The following TBC1D22A variants were observed in gnomAD, a reference collection of about 807,000 sequenced individuals.
TBC1D22A encodes the protein putative GTPase activator.
A neutral mutation model predicts 60.2 loss-of-function variants in TBC1D22A; 38 were observed. The ratio of observed to expected loss-of-function variants is 0.63; its 90% CI spans 0.49 to 0.83. The LOEUF (loss-of-function observed/expected upper bound fraction) is 0.83. Among genes scored for constraint, TBC1D22A ranks in the 40% least tolerant of loss-of-function variants. The probability of loss-of-function intolerance (pLI) is 0.00; values close to 1 mark genes in which losing one functional copy is unlikely to be tolerated. For synonymous variants in TBC1D22A, 302 were observed against 281.7 expected, an observed-to-expected ratio of 1.07 and a Z score of -0.72; for missense variants, 628 against 701.0, an observed-to-expected ratio of 0.90 and a Z score of 1.18.
intron 8 of TBC1D22A, among the ~76,000 whole-genome samples, chr22:46,962,054 G>C (rs569866272): frequency 1.3e-5 from 2 of 152,326 alleles, no homozygotes; most frequent in South Asian, 4.1e-4. Flanking sequence ...CAAGTCAGCA[G>C]GGCTGACTGT....
chr22:46,820,578 T>G (rs2085784200), intron 4 of TBC1D22A, among the ~76,000 whole-genome samples: 1 of 152,274 alleles, frequency 6.6e-6, no homozygotes, highest in Non-Finnish European at 1.5e-5. Context: ...TCTAATTTGA[T>G]TGCACTGTGG....
At chr22:46,771,224 A>T (rs547192199) in intron 1 of TBC1D22A, among the ~76,000 whole-genome samples, 4 of 152,308 alleles carry the variant, frequency 2.6e-5, no homozygotes, top group African/African-American at 9.6e-5. Context: ...CAAGAGCAGG[A>T]GGAAGTACCC....
rs2063384745 is a variant in TBC1D22A, at chr22:47,056,088, C to G, written c.1329+18890C>G. Among the ~76,000 whole-genome samples the G allele has an allele frequency of 2.0e-5, 3 of 152,122 alleles. No homozygotes were observed. The South Asian group carries it at 6.2e-4, about 32-fold the overall frequency. ...TCCCGTGCACACATCAGCGACTGCC[C>G]TTGTCTTGGGTCTGTTTGAGCAGTC... On this transcript the variant is annotated intron_variant, in intron 11 of 12. Transcript: ENST00000337137.
intron 1 of TBC1D22A, among the ~76,000 whole-genome samples, chr22:46,786,723 C>G (rs1265169252): frequency 6.6e-6 from 1 of 152,134 alleles, no homozygotes; most frequent in Admixed American, 6.5e-5. Flanking sequence ...GGATCTTGCT[C>G]TGTTGCCCAC....
At chr22:47,046,186 A>ACTTGG (rs2063027485) in intron 11 of TBC1D22A, among the ~76,000 whole-genome samples, 2 of 152,206 alleles carry the variant, frequency 1.3e-5, no homozygotes, top group Non-Finnish European at 2.9e-5. Context: ...TCCAAGTCCA[A>ACTTGG]GTACCTTACA....
At chr22:46,844,151 T>C (rs930664709) in intron 4 of TBC1D22A, among the ~76,000 whole-genome samples, 1 of 149,568 alleles carries the variant, frequency 6.7e-6, no homozygotes, top group Non-Finnish European at 1.5e-5. Flanking sequence ...GGCACTCTGG[T>C]CCAAGCACAT....
At chr22:47,018,212 G>T (rs954838309) in intron 10 of TBC1D22A, among the ~76,000 whole-genome samples, 2 of 152,260 alleles carry the variant, frequency 1.3e-5, no homozygotes, top group African/African-American at 4.8e-5. Context: ...CCATGGAAGG[G>T]GCGCCCATGG....
At chr22:46,880,788 G>A (rs6009015) in intron 5 of TBC1D22A, among the ~76,000 whole-genome samples, 16,449 of 152,188 alleles carry the variant, frequency 0.11, 2,310 homozygotes, top group African/African-American at 0.33. Flanking sequence ...AAGGAGGGGA[G>A]GGTGTGGAGA....
chr22:47,068,254 C>G (rs1164656803), intron 11 of TBC1D22A, among the ~76,000 whole-genome samples: 1 of 152,242 alleles, frequency 6.6e-6, no homozygotes, highest in Non-Finnish European at 1.5e-5. Context: ...GCCGTTGCCC[C>G]CAGGGCTCTT....
intron 4 of TBC1D22A, among the ~76,000 whole-genome samples, chr22:46,826,884 A>G (rs139595): frequency 0.32 from 48,158 of 151,936 alleles, 7,847 homozygotes; most frequent in South Asian, 0.44. Flanking sequence ...CCTGGCTTGC[A>G]GTCAGCACTC....
intron 11 of TBC1D22A, among the ~76,000 whole-genome samples, chr22:47,075,005 C>T (rs1010424742): frequency 5.9e-5 from 9 of 152,116 alleles, no homozygotes; most frequent in African/African-American, 2.2e-4. Context: ...AGGCAGATCA[C>T]GAGGTCAGGA....
Position 46,957,626 on chromosome 22 carries a change from G to A in TBC1D22A, c.1016-16664G>A, listed in dbSNP as rs1001088967. ...GGGGCACAGAACCAAACCGTATCAAGTGCCTTGACTACCAGTCAGCAGATG... is the reference window on the plus strand; with the variant it reads ...GGGGCACAGAACCAAACCGTATCAAATGCCTTGACTACCAGTCAGCAGATG... On this transcript the variant is annotated intron_variant, in intron 8 of 12. Transcript: ENST00000337137. Among the ~76,000 whole-genome samples the A allele has an allele frequency of 4.6e-5, 7 of 152,244 alleles. No homozygotes were observed. In the South Asian group the frequency reaches 1.4e-3, roughly 32 times the overall value.
At chr22:46,887,212 C>T (rs1172930227) in intron 5 of TBC1D22A, among the ~76,000 whole-genome samples, 1 of 152,182 alleles carries the variant, frequency 6.6e-6, no homozygotes, top group Non-Finnish European at 1.5e-5. Flanking sequence ...TGCAGACACG[C>T]AATGGCATCC....
chr22:47,067,046 A>G (rs1603226263), intron 11 of TBC1D22A, among the ~76,000 whole-genome samples: 2 of 152,194 alleles, frequency 1.3e-5, no homozygotes, highest in African/African-American at 4.8e-5. Flanking sequence ...CGGGCGGATC[A>G]TTTGAGGTCA....
chr22:46,895,913 G>A (rs2068651284), intron 7 of TBC1D22A, among the ~76,000 whole-genome samples: 1 of 152,148 alleles, frequency 6.6e-6, no homozygotes, highest in Non-Finnish European at 1.5e-5. Context: ...TGGGTGTGGT[G>A]TGTGCCTGTT....
chr22:46,824,079 A>G (rs1257737369), intron 4 of TBC1D22A, among the ~76,000 whole-genome samples: 1 of 152,228 alleles, frequency 6.6e-6, no homozygotes, highest in Non-Finnish European at 1.5e-5. Context: ...AAACTATATC[A>G]CCATAACACG....
At chr22:47,033,890 A>G (rs1603092022) in intron 10 of TBC1D22A, among the ~76,000 whole-genome samples, 1 of 151,794 alleles carries the variant, frequency 6.6e-6, no homozygotes, top group East Asian at 2.0e-4. Context: ...TTTCTTAGGC[A>G]CTCTGACTTC....
At position 46,771,826 on chromosome 22, in the gene TBC1D22A, C is replaced by G. The variant is rs963011855; in HGVS notation, c.62+8978C>G. On this transcript the variant is annotated intron_variant, in intron 1 of 12. Transcript: ENST00000337137. ...GCCAGGCTGGTCTTGAACTCCTGAC[C>G]TCAAGTGATCCACCCGCCTCGGCCT... Among the ~76,000 whole-genome samples, 17 of 152,106 alleles carry G rather than the reference C, an allele frequency of 1.1e-4. No homozygotes were observed. In the East Asian group the frequency reaches 3.3e-3, roughly 29 times the overall value.
chr22:46,921,576 A>G (rs761193206), intron 8 of TBC1D22A, among the ~76,000 whole-genome samples: 3 of 152,248 alleles, frequency 2.0e-5, no homozygotes, highest in South Asian at 2.1e-4. Flanking sequence ...TTTATGGTAC[A>G]GTGATTGATA....
Sources: allele counts gnomAD v4.1 joint callset (sites outside exome capture counted in the v4.1 genomes callset), GRCh38; gene constraint gnomAD v4.1.1; transcripts MANE v1.5; gene names NCBI Gene and HGNC (gene_info 2026-07-23, HGNC 2026-07-21).